The following FN1 variants were observed in gnomAD, a reference collection of about 807,000 sequenced individuals.
The protein encoded by FN1 is fibronectin.
A neutral mutation model predicts 297.3 loss-of-function variants in FN1; 106 were observed. The observed-to-expected ratio is 0.36, with a 90% CI of 0.30 to 0.42. The LOEUF (loss-of-function observed/expected upper bound fraction) is 0.42. FN1 is among the 10% of genes least tolerant of loss of function. FN1 has a pLI of 1.00. For missense variants in FN1, 2,690 were observed against 3,124.9 expected, an observed-to-expected ratio of 0.86 and a Z score of 3.32; for synonymous variants, 1,149 against 1,152.6, an observed-to-expected ratio of 1.00 and a Z score of 0.06.
chr2:215,421,720 T>C (rs2064417961), intron 10 of FN1, among the ~76,000 whole-genome samples: 1 of 152,246 alleles, frequency 6.6e-6, no homozygotes, highest in South Asian at 2.1e-4. Flanking sequence ...AAGGATCTGA[T>C]TTTAGAATAG....
chr2:215,397,830 G>C lies in FN1; in HGVS notation c.3367C>G (p.Gln1123Glu). Residue 1123 changes from glutamine (Q) to glutamate (E), a missense_variant, in exon 22 of 46, where the codon CAG becomes GAG. Transcript: ENST00000354785. ...ACTTCTCGTGGTGCCTCTCCTCCCTGGCTTGGTCGTACACCCAGCTAGAGG... is the reference window on the plus strand; with the variant it reads ...ACTTCTCGTGGTGCCTCTCCTCCCTCGCTTGGTCGTACACCCAGCTAGAGG... ...IGFKLGVRPSQGGEAPREVTS... is the reference protein window; with the variant it reads ...IGFKLGVRPSEGGEAPREVTS... 6.2e-7 allele frequency: 1 copy of C among 1,614,056 alleles called. No homozygotes were observed. The highest frequency in any genetic ancestry group is 1.7e-5 in the Admixed American group (1 of 60,014).
chr2:215,420,368 C>CT (rs1553647056), intron 11 of FN1, among the ~76,000 whole-genome samples: 9 of 143,788 alleles, frequency 6.3e-5, no homozygotes, highest in African/African-American at 2.3e-4. Context: ...CAAAAACAAA[C>CT]AAAAAAAAAA....
chr2:215,425,230 G>C lies in FN1; in HGVS notation c.900C>G (p.Pro300=). ...RAAVYQPQPH[P]QPPPYGHCVT... is the part of the protein sequence containing the mutation. The stretch of plus-strand genomic sequence containing the variant: ...CACAGTGGCCATAGGGAGGAGGCTG[G>C]GGGTGAGGCTGCGGTTGGTAAACAG... The change falls in exon 7 of 46, where the codon CCC becomes CCG. Residue 300 remains proline (P), a synonymous_variant. Coordinates refer to ENST00000354785, the MANE Select transcript of FN1 (RefSeq NM_212482.4). The C allele has an allele frequency of 6.2e-7, 1 of 1,614,150 alleles. No individual in the cohort carries two copies. Among genetic ancestry groups the C allele is most frequent in the Middle Eastern group, 1.6e-4 (1 of 6,062 alleles).
intron 20 of FN1, among the ~76,000 whole-genome samples, chr2:215,401,625 A>G (rs1331404717): frequency 6.6e-6 from 1 of 152,204 alleles, no homozygotes; most frequent in Non-Finnish European, 1.5e-5. Context: ...ATGGCTGGCA[A>G]GACAAAGAAT....
intron 12 of FN1, among the ~76,000 whole-genome samples, chr2:215,415,585 TC>T (rs2063322847): frequency 6.6e-6 from 1 of 152,176 alleles, no homozygotes; most frequent in African/African-American, 2.4e-5. Context: ...AGAAGTTTAC[TC>T]CCAAATCACA....
intron 19 of FN1, 54 bp downstream of exon 19, chr2:215,406,184 C>T (rs2061753337): frequency 5.1e-6 from 8 of 1,573,126 alleles, no homozygotes; most frequent in Non-Finnish European, 7.0e-6. Context: ...TTCTCACAGG[C>T]TGCAAGTGAG....
chr2:215,420,827 G>T (rs1220995780), intron 10 of FN1, 26 bp from the exon 11 acceptor site: 1 of 1,612,618 alleles, frequency 6.2e-7, no homozygotes, highest in Admixed American at 1.7e-5. Context: ...GTGGGTGAGT[G>T]AGAAACTTTT....
rs2062334266 is a variant in FN1, at chr2:215,409,852, T to C, written c.2122+82A>G. The C allele has an allele frequency of 1.9e-6, 3 of 1,594,260 alleles. No individual in the cohort carries two copies. In the East Asian group the frequency reaches 6.7e-5, roughly 36 times the overall value. Reference sequence around the variant, plus strand: ...GGTGCCCCTCCTGGAAGAATATGAATTGAGAAGGAAAGCATTGCCTCAGGA... The same window carrying C: ...GGTGCCCCTCCTGGAAGAATATGAACTGAGAAGGAAAGCATTGCCTCAGGA... On this transcript the variant is annotated intron_variant, in intron 14 of 45. Transcript: ENST00000354785.
intron 12 of FN1, among the ~76,000 whole-genome samples, chr2:215,418,608 A>G (rs1001247472): frequency 2.6e-5 from 4 of 152,084 alleles, no homozygotes; most frequent in Non-Finnish European, 5.9e-5. Flanking sequence ...TTTAAATGCA[A>G]TTTTCCCCCC....
intron 13 of FN1, among the ~76,000 whole-genome samples, chr2:215,413,564 C>T (rs2062996992): frequency 6.6e-6 from 1 of 152,226 alleles, no homozygotes; most frequent in Non-Finnish European, 1.5e-5. Context: ...CCTGATCCCT[C>T]AATCCCATCC....
intron 26 of FN1, among the ~76,000 whole-genome samples, chr2:215,391,036 A>T (rs1174210076): frequency 6.6e-6 from 1 of 152,226 alleles, no homozygotes; most frequent in African/African-American, 2.4e-5. Flanking sequence ...GACTAGAAAG[A>T]GACAATTTCC....
rs756989545 is a variant in FN1, at chr2:215,407,137, G to A, written c.2703C>T (p.Thr901=). The A allele has an allele frequency of 9.9e-6, 16 of 1,613,524 alleles. No homozygotes were observed. Among genetic ancestry groups the A allele is most frequent in the Admixed American group, 6.7e-5 (4 of 60,026 alleles). ...TCTTAAAAAAGTTACCTGAGCGTGG[G>A]GTGCCAGTGGTTTCTTGTTGAATGA... The part of the protein sequence containing the change: ...PVVIQQETTG[T]PRSDTVPSPR... The change falls in exon 18 of 46, where the codon ACC becomes ACT. Residue 901 remains threonine, a synonymous_variant. Coordinates refer to ENST00000354785, the MANE Select transcript of FN1 (RefSeq NM_212482.4).
intron 20 of FN1, among the ~76,000 whole-genome samples, chr2:215,401,288 AAG>A (rs34156003): frequency 0.36 from 48,017 of 133,452 alleles, 9,888 homozygotes; most frequent in South Asian, 0.51. Context: ...AAAGGAAGAA[AAG>A]AGAGAGAGAG....
At chr2:215,422,003 T>A (rs2064478947) in intron 10 of FN1, 88 bp downstream of exon 10, 2 of 1,239,656 alleles carry the variant, frequency 1.6e-6, no homozygotes, top group African/African-American at 1.5e-5. Flanking sequence ...TTCCCCTGCT[T>A]TTGGCATAGT....
chr2:215,419,441 T>C, intron 11 of FN1, 56 bp from the exon 12 acceptor site: 3 of 1,444,706 alleles, frequency 2.1e-6, no homozygotes, highest in Non-Finnish European at 2.9e-6. Flanking sequence ...ACTACGAATT[T>C]AATTTCAGGG....
intron 12 of FN1, among the ~76,000 whole-genome samples, chr2:215,418,977 G>T (rs555018787): frequency 7.0e-4 from 106 of 152,256 alleles, no homozygotes; most frequent in African/African-American, 2.5e-3. Context: ...TAGCCAGAGT[G>T]TCTTAACCTA....
chr2:215,397,858 G>C lies in FN1; in HGVS notation c.3349-10C>G, dbSNP rs774211090. ...TTGGTCGTACACCCAGCTAGAGGAA[G>C]GAATGCAAAGTAAACACCAAGGACA... is the stretch of plus-strand genomic sequence containing the variant. On this transcript the variant is annotated splice_polypyrimidine_tract_variant and intron_variant, in intron 21 of 45. Coordinates refer to ENST00000354785, the MANE Select transcript of FN1 (RefSeq NM_212482.4). 14 of 1,613,512 alleles carry C rather than the reference G, an allele frequency of 8.7e-6. No homozygotes were observed. In the South Asian group the frequency reaches 1.5e-4, roughly 18 times the overall value.
chr2:215,370,202 G>A, intron 41 of FN1, 92 bp downstream of exon 41: 1 of 1,323,470 alleles, frequency 7.6e-7, no homozygotes, highest in Non-Finnish European at 1.1e-6. Context: ...AAGATAAAAA[G>A]ACAATGGCAA....
At chr2:215,395,492 T>C (rs914201893) in intron 23 of FN1, among the ~76,000 whole-genome samples, 1 of 150,432 alleles carries the variant, frequency 6.6e-6, no homozygotes, top group Non-Finnish European at 1.5e-5. Flanking sequence ...TGAGTTGAGA[T>C]GGCGCCACTG....
Sources: allele counts gnomAD v4.1 joint callset (sites outside exome capture counted in the v4.1 genomes callset), GRCh38; gene constraint gnomAD v4.1.1; transcripts MANE v1.5; gene names NCBI Gene and HGNC (gene_info 2026-07-23, HGNC 2026-07-21).